RNF213: variants seen among roughly 807,000 people sequenced by gnomAD.
The protein encoded by RNF213 is E3 ubiquitin-protein ligase RNF213.
In RNF213, 341 loss-of-function variants were observed where a neutral mutation model predicts 514.4. That is an observed-to-expected ratio of 0.66 (90% CI 0.61 to 0.73). The LOEUF is 0.73. RNF213 is among the 30% of genes least tolerant of loss of function. The pLI is 0.00. For synonymous variants in RNF213, 2,655 were observed against 2,658.2 expected (o/e 1.00, Z 0.04); for missense variants, 5,767 against 6,615.6 (o/e 0.87, Z 4.45).
At chr17:80,324,285 CT>C (rs1176073235) in intron 17 of RNF213, among the ~76,000 whole-genome samples, 3 of 151,946 alleles carry the variant, frequency 2.0e-5, no homozygotes, top group Non-Finnish European at 2.9e-5. Context: ...TTGTTGAATG[CT>C]TTTTTTTCTT....
chr17:80,319,566 CGT>C, intron 17 of RNF213: 1 of 1,601,038 alleles, frequency 6.2e-7, no homozygotes, highest in East Asian at 2.3e-5. Flanking sequence ...CGGCCGTGCG[CGT>C]GTGGCACAAG....
rs746958817 is a variant in RNF213, at chr17:80,346,211, A to G, written c.7876A>G (p.Met2626Val). 4 of 1,614,180 alleles carry G rather than the reference A, an allele frequency of 2.5e-6. No individual in the cohort carries two copies. The highest frequency in any genetic ancestry group is 2.5e-6 in the Non-Finnish European group (3 of 1,180,028). ...TEVLCASQGF[M>V]RKTEDECSFV... ...AGTCCTCTGCGCCTCTCAGGGTTTC[A>G]TGAGGAAAACAGAAGATGAGTGCAG... The change falls in exon 29 of 68, where the codon ATG becomes GTG. Residue 2626 changes from methionine to valine, a missense_variant. Met to Val is a conservative substitution (Grantham distance 21). This residue lies in a region of RNF213 where 1,377 missense variants were observed against 1,635.2 expected (regional missense o/e 0.84). Coordinates refer to ENST00000582970, the MANE Select transcript of RNF213 (RefSeq NM_001256071.3). The surrounding 1 kb of genome is among the most constrained non-coding windows in gnomAD (Gnocchi z 8.1).
intron 39 of RNF213, 139 bp downstream of exon 39, chr17:80,362,027 C>G (rs1368703321): frequency 2.4e-5 from 24 of 994,494 alleles, no homozygotes; most frequent in Non-Finnish European, 3.3e-5. Context: ...GCGAAGGGTG[C>G]CGGTGGGTGA....
rs1352183227 is a variant in RNF213, at chr17:80,377,488, TG to T, written c.13511-273del. ...GAAAGGTCTAGAATCCTGTCCACCT[TG>T]CCTCCAAAAGTACCCCTGGTATGGG... On this transcript the variant is annotated intron_variant, in intron 53 of 67. Transcript: ENST00000582970. This position sits in a 1 kb window ranked among gnomAD's most constrained non-coding sequence, Gnocchi z 4.1. 3.7e-4 allele frequency among the ~76,000 whole-genome samples: 56 copies of T among 152,138 alleles called. No homozygotes were observed. The highest frequency in any genetic ancestry group is 3.6e-3 in the Admixed American group (55 of 15,272).
In RNF213 at chr17:80,337,515, G is replaced by A. The variant is rs933029561; in HGVS notation, c.4528-71G>A. 11 of 1,510,486 alleles carry A rather than the reference G, an allele frequency of 7.3e-6. No homozygotes were observed. In the Admixed American group the frequency reaches 1.2e-4, roughly 16 times the overall value. 93.6% of individuals were successfully genotyped at this position (1,510,486 alleles called of 1,614,324 possible). A position where few individuals can be genotyped will look rare whatever the true frequency, so the allele number is the denominator to read the frequency against. On this transcript the variant is annotated intron_variant, in intron 23 of 67. Transcript: ENST00000582970. ...TGCAGCGAGGCAGAGGCGGGAGGCC[G>A]ACCACAGGAGGGAGAAGGGCAAGAT...
At position 80,392,954 on chromosome 17, in the gene RNF213, G is replaced by C. The variant is rs77699519; in HGVS notation, c.15471-391G>C. On this transcript the variant is annotated intron_variant, in intron 67 of 67. Transcript: ENST00000582970. Reference sequence around the variant, plus strand: ...TGACAACGGGAAAAAGTAACATGAGGGGACTGATTGGTCCCCTTATGTTAT... The same window carrying C: ...TGACAACGGGAAAAAGTAACATGAGCGGACTGATTGGTCCCCTTATGTTAT... Among the ~76,000 whole-genome samples, 83 of 151,494 alleles carry C rather than the reference G, an allele frequency of 5.5e-4. 1 individual carries two copies. The East Asian group carries it at 0.015, about 27-fold the overall frequency.
At chr17:80,335,586 G>T (rs2077965289) in intron 22 of RNF213, among the ~76,000 whole-genome samples, 2 of 152,218 alleles carry the variant, frequency 1.3e-5, no homozygotes, top group South Asian at 4.1e-4. Flanking sequence ...TGGTAATGTT[G>T]TGTGGATTGA....
chr17:80,262,505 A>C (rs948231402), intron 1 of RNF213, among the ~76,000 whole-genome samples: 1 of 152,236 alleles, frequency 6.6e-6, no homozygotes, highest in South Asian at 2.1e-4. Flanking sequence ...GCGAGGCCGC[A>C]GGCACTCCTC....
intron 9 of RNF213, among the ~76,000 whole-genome samples, 157 bp from the exon 10 acceptor site, chr17:80,295,400 T>A (rs1214982994): frequency 6.6e-6 from 1 of 152,072 alleles, no homozygotes; most frequent in Non-Finnish European, 1.5e-5. Context: ...CATGCCAGGG[T>A]CTTGGCTGCA....
Position 80,317,264 on chromosome 17 carries a change from G to A in RNF213, c.2888G>A (p.Trp963Ter). The A allele has an allele frequency of 6.2e-7, 1 of 1,612,590 alleles. No individual in the cohort carries two copies. The highest frequency in any genetic ancestry group is 8.5e-7 in the Non-Finnish European group (1 of 1,179,750). ...GAGTCGTTGCTGGGAGACATGGAAT[G>A]GAGGCTCACAAAGGTACCAAAAGTT... ...WKESLLGDMEWRLTKEEPLSQ... is the reference protein window; with the variant it reads ...WKESLLGDME The change falls in exon 16 of 68, where the codon TGG becomes TAG. Residue 963 changes from tryptophan to a stop codon, truncating the protein, a stop_gained. Transcript: ENST00000582970. LOFTEE classifies it high-confidence loss of function. This position sits in a 1 kb window ranked among gnomAD's most constrained non-coding sequence, Gnocchi z 4.1.
At position 80,380,828 on chromosome 17, in the gene RNF213, C is replaced by T. The variant is rs991871659; in HGVS notation, c.13641-3C>T. ...CTGTCTTGTGTTCTCTCGTTCTTTC[C>T]AGAGACAAGGCAGACAGAACGCAGA... On this transcript the variant is annotated splice_region_variant and splice_polypyrimidine_tract_variant and intron_variant, in intron 55 of 67. Coordinates refer to ENST00000582970, the MANE Select transcript of RNF213 (RefSeq NM_001256071.3). 1.2e-6 allele frequency: 2 copies of T among 1,614,108 alleles called. No individual in the cohort carries two copies. Among genetic ancestry groups the T allele is most frequent in the East Asian group, 2.2e-5 (1 of 44,892 alleles).
intron 5 of RNF213, among the ~76,000 whole-genome samples, chr17:80,289,239 G>C (rs2044591765): frequency 6.6e-6 from 1 of 152,192 alleles, no homozygotes; most frequent in African/African-American, 2.4e-5. Flanking sequence ...AAGGTCCCGA[G>C]CGGGGAAGGG....
At chr17:80,367,662 C>G (rs1330929830) in intron 42 of RNF213, 86 bp from the exon 43 acceptor site, 1 of 1,020,860 alleles carries the variant, frequency 9.8e-7, no homozygotes, top group African/African-American at 1.6e-5. Context: ...AGCCTTGGCC[C>G]TGAATGTGGT....
chr17:80,262,503 G>A (rs776683985), intron 1 of RNF213, among the ~76,000 whole-genome samples: 5 of 152,128 alleles, frequency 3.3e-5, no homozygotes, highest in African/African-American at 9.7e-5. Context: ...TGGCGAGGCC[G>A]CAGGCACTCC....
chr17:80,385,053 G>A lies in RNF213; in HGVS notation c.14337G>A (p.Arg4779=). Residue 4779 remains arginine, a synonymous_variant, in exon 60 of 68, where the codon AGG becomes AGA. Transcript: ENST00000582970. ...CCCTTCTCCAGGAAGCAGAGCTGAG[G>A]CTGGTAAAGTTCCTGCCTGAGATTT... The part of the protein sequence containing the change: ...WHFLQKEAEL[R]LVKFLPEILA... The A allele has an allele frequency of 6.2e-7, 1 of 1,614,188 alleles. No individual in the cohort carries two copies. Among genetic ancestry groups the A allele is most frequent in the Non-Finnish European group, 8.5e-7 (1 of 1,180,042 alleles).
intron 15 of RNF213, among the ~76,000 whole-genome samples, chr17:80,315,279 ATGGTGG>A (rs1188405176): frequency 2.4e-4 from 2 of 8,500 alleles, no homozygotes; most frequent in Non-Finnish European, 2.1e-4. Flanking sequence ...AATGGAGGTG[ATGGTGG>A]TGGTGGTGGT....
chr17:80,306,963 C>G (rs531364047), intron 12 of RNF213, among the ~76,000 whole-genome samples, 165 bp from the exon 13 acceptor site: 12 of 151,930 alleles, frequency 7.9e-5, no homozygotes, highest in African/African-American at 2.7e-4. Flanking sequence ...TGAGTTTTAT[C>G]TGTAAAAGAG....
Position 80,288,503 on chromosome 17 carries a change from C to T in RNF213, c.811-130C>T, listed in dbSNP as rs1319669922. On this transcript the variant is annotated intron_variant, in intron 4 of 67. Transcript: ENST00000582970. This position sits in a 1 kb window ranked among gnomAD's most constrained non-coding sequence, Gnocchi z 4.9. ...TGCTCCCTGGGTGGGAGTCGGAGGG[C>T]TGCCCCTCCACTGGGGATGCCAGCC... is the stretch of plus-strand genomic sequence containing the variant. The T allele has an allele frequency of 2.5e-6, 4 of 1,594,278 alleles. No homozygotes were observed. The African/African-American group carries it at 5.4e-5, about 21-fold the overall frequency.
chr17:80,289,449 C>T (rs534246071), intron 5 of RNF213, among the ~76,000 whole-genome samples: 24 of 152,114 alleles, frequency 1.6e-4, no homozygotes, highest in Admixed American at 1.1e-3. Context: ...AATTAGCCAG[C>T]CGTGGTGGCA....
Sources: allele counts gnomAD v4.1 joint callset (sites outside exome capture counted in the v4.1 genomes callset), GRCh38; gene constraint gnomAD v4.1.1; regional missense constraint gnomAD v4.1.1; non-coding constraint Gnocchi (gnomAD v3.1); transcripts MANE v1.5; gene names NCBI Gene and HGNC (gene_info 2026-07-23, HGNC 2026-07-21).